BAG1: variants seen among roughly 807,000 people sequenced by gnomAD.
The protein encoded by BAG1 is BAG cochaperone 1, also known as BAG family molecular chaperone regulator 1.
In BAG1, 35 loss-of-function variants were observed where a neutral mutation model predicts 35.5. The ratio of observed to expected loss-of-function variants is 0.99; its 90% confidence interval spans 0.75 to 1.31. The LOEUF is 1.31. BAG1 is among the 50% of genes most tolerant of loss of function. The probability of loss-of-function intolerance (pLI) is 0.00; values close to 1 mark genes in which losing one functional copy is unlikely to be tolerated. For synonymous variants in BAG1, 191 were observed against 178.9 expected (o/e 1.07, Z -0.54); for missense variants, 464 against 453.6 (o/e 1.02, Z -0.21).
At chr9:33,259,128 A>G in intron 3 of BAG1, 95 bp from the exon 4 acceptor site, 1 of 879,900 alleles carries the variant, frequency 1.1e-6, no homozygotes, top group African/African-American at 1.7e-5. Context: ...TGGGAGGCCG[A>G]GATGGGCAGA....
At position 33,255,224 on chromosome 9, in the gene BAG1, C is replaced by T. The variant is rs764767280; in HGVS notation, c.1033G>A (p.Glu345Lys). The change falls in exon 7 of 7, where the codon GAG becomes AAG. Residue 345 changes from glutamate to lysine, a missense_variant. Glu to Lys is a moderately conservative substitution (Grantham distance 56). Coordinates refer to ENST00000634734, the MANE Select transcript of BAG1 (RefSeq NM_004323.6). ...CAGCCTTTTTCTGCTACACCTCACT[C>T]GGCCAGGGCAAAGTTTGTAGACTGC... The T allele has an allele frequency of 8.1e-6, 13 of 1,614,074 alleles. No homozygotes were observed. Among genetic ancestry groups the T allele is most frequent in the African/African-American group, 2.7e-5 (2 of 74,918 alleles).
At chr9:33,258,337 A>G (rs1396049451) in intron 4 of BAG1, among the ~76,000 whole-genome samples, 1 of 150,576 alleles carries the variant, frequency 6.6e-6, no homozygotes, top group Non-Finnish European at 1.5e-5. Flanking sequence ...AAACACAAAC[A>G]CACCCCAATT....
chr9:33,256,739 A>C, intron 5 of BAG1, 62 bp downstream of exon 5: 3 of 1,350,792 alleles, frequency 2.2e-6, no homozygotes, highest in Non-Finnish European at 3.2e-6. Context: ...TTACTGAAAG[A>C]GTGAATGTGA....
chr9:33,263,570 A>G (rs983316161), intron 1 of BAG1, among the ~76,000 whole-genome samples: 5 of 112,506 alleles, frequency 4.4e-5, no homozygotes, highest in Non-Finnish European at 9.2e-5. Flanking sequence ...TCTACTTCAC[A>G]GAGGAGAAAC....
chr9:33,261,546 A>G (rs1349484164), intron 2 of BAG1, among the ~76,000 whole-genome samples: 1 of 152,182 alleles, frequency 6.6e-6, no homozygotes, highest in Non-Finnish European at 1.5e-5. Context: ...TACCACAATG[A>G]ATGCTGATGA....
At chr9:33,255,783 C>A in intron 6 of BAG1, 82 bp downstream of exon 6, 2 of 1,483,028 alleles carry the variant, frequency 1.3e-6, no homozygotes, top group African/African-American at 1.4e-5. Flanking sequence ...CACGCTCCTA[C>A]ACTACCTGAT....
Position 33,254,967 on chromosome 9 carries a change from G to A in BAG1, c.*252C>T. ...CCAAACAGCTGGGAAAATTTGGGCA[G>A]AGGTGGCCCTCTCCAGAAAAGGTGG... On this transcript the variant is annotated 3_prime_UTR_variant, in exon 7 of 7. Transcript: ENST00000634734. 1 of 1,413,746 alleles carries A rather than the reference G, an allele frequency of 7.1e-7. No homozygotes were observed. The highest frequency in any genetic ancestry group is 9.4e-7 in the Non-Finnish European group (1 of 1,060,410). The allele number at this position is 1,413,746 out of a possible 1,614,324, so 87.6% of individuals were successfully genotyped here. A position where few individuals can be genotyped will look rare whatever the true frequency, so the allele number is the denominator to read the frequency against.
At chr9:33,264,178 G>T (rs774640336) in intron 1 of BAG1, 46 bp downstream of exon 1, 1 of 1,540,584 alleles carries the variant, frequency 6.5e-7, no homozygotes, top group Non-Finnish European at 8.7e-7. Context: ...AGACCCCGCC[G>T]GGCTTTCGGG....
intron 3 of BAG1, chr9:33,259,651 A>AACCAAGACTG (rs1820528257): frequency 6.6e-6 from 1 of 152,268 alleles, no homozygotes; most frequent in African/African-American, 2.4e-5. Context: ...ACTGATCAAC[A>AACCAAGACTG]ACCAAGACTG....
At chr9:33,256,325 C>T (rs2117934198) in intron 5 of BAG1, among the ~76,000 whole-genome samples, 1 of 152,324 alleles carries the variant, frequency 6.6e-6, no homozygotes, top group Admixed American at 6.5e-5. Flanking sequence ...TGCAGTTCAC[C>T]TTCAAGAATG....
In BAG1 at chr9:33,256,007, A is replaced by C. The variant is rs545257773; in HGVS notation, c.886-80T>G. 4 of 1,353,778 alleles carry C rather than the reference A, an allele frequency of 3.0e-6. No homozygotes were observed. In the Admixed American group the frequency reaches 6.8e-5, roughly 23 times the overall value. 83.9% of individuals were successfully genotyped at this position (1,353,778 alleles called of 1,614,324 possible). A position where few individuals can be genotyped will look rare whatever the true frequency, so the allele number is the denominator to read the frequency against. ...TAATCCTCAGTGAAAATGACATGAG[A>C]GCACATAAGAAACACCCACAGTACA... On this transcript the variant is annotated intron_variant, in intron 5 of 6. Transcript: ENST00000634734.
Position 33,253,469 on chromosome 9 carries a change from A to G in BAG1, c.*1750T>C. The G allele has an allele frequency of 6.6e-6, 1 of 152,278 alleles. No individual in the cohort carries two copies. The highest frequency in any genetic ancestry group is 1.9e-4 in the East Asian group (1 of 5,202). 9.4% of individuals were successfully genotyped at this position (152,278 alleles called of 1,614,324 possible). On this transcript the variant is annotated 3_prime_UTR_variant, in exon 7 of 7. Transcript: ENST00000634734. ...GCAGTTTGGTGCACAGTAACTTCTC[A>G]TTAAATGTTGTGGCCCACGCCACAC... is the stretch of plus-strand genomic sequence containing the variant.
chr9:33,252,797 G>A lies in BAG1; in HGVS notation c.*2422C>T, dbSNP rs939687344. Reference sequence around the variant, plus strand: ...GACAGGGTCTCAACACAGTAGGTGAGGGTTCTCCATGCAAGAGACATGTGA... The same window carrying A: ...GACAGGGTCTCAACACAGTAGGTGAAGGTTCTCCATGCAAGAGACATGTGA... On this transcript the variant is annotated 3_prime_UTR_variant, in exon 7 of 7. Coordinates refer to ENST00000634734, the MANE Select transcript of BAG1 (RefSeq NM_004323.6). 2.0e-5 allele frequency: 3 copies of A among 152,078 alleles called. No individual in the cohort carries two copies. Among genetic ancestry groups the A allele is most frequent in the Non-Finnish European group, 2.9e-5 (2 of 68,034 alleles). The allele number at this position is 152,078 out of a possible 1,614,324, so 9.4% of individuals were successfully genotyped here.
At chr9:33,255,656 G>A (rs868835922) in intron 6 of BAG1, among the ~76,000 whole-genome samples, 2 of 152,332 alleles carry the variant, frequency 1.3e-5, no homozygotes, top group Middle Eastern at 3.4e-3. Context: ...GCTCTCCAGT[G>A]AGTTCCCTCC....
At chr9:33,262,027 T>C in intron 2 of BAG1, 2 of 1,205,060 alleles carry the variant, frequency 1.7e-6, no homozygotes, top group Non-Finnish European at 2.1e-6. Flanking sequence ...AAAATGATTA[T>C]TTAATAGTAA....
rs142782791 is a variant in BAG1 at position 33,255,102 on chromosome 9, T to C, written c.*117A>G. ...GAGAACCAGTGTGAGAGTAGGAAAA[T>C]TGGCAAATGGCCAGTTGCCCCCAGC... On this transcript the variant is annotated 3_prime_UTR_variant, in exon 7 of 7. Coordinates refer to ENST00000634734, the MANE Select transcript of BAG1 (RefSeq NM_004323.6). 1.7e-4 allele frequency: 277 copies of C among 1,607,618 alleles called. 1 individual carries two copies. The highest frequency in any genetic ancestry group is 1.7e-3 in the East Asian group (77 of 44,770).
At chr9:33,262,992 T>C (rs930107286) in intron 1 of BAG1, among the ~76,000 whole-genome samples, 162 bp from the exon 2 acceptor site, 7 of 152,088 alleles carry the variant, frequency 4.6e-5, no homozygotes, top group African/African-American at 1.7e-4. Context: ...TCTGGTGACC[T>C]CCTCAAGTAT....
At chr9:33,263,874 T>C (rs975527769) in intron 1 of BAG1, among the ~76,000 whole-genome samples, 1 of 151,916 alleles carries the variant, frequency 6.6e-6, no homozygotes, top group East Asian at 1.9e-4. Context: ...TTCTGACTTA[T>C]CACACACGGA....
At chr9:33,262,180 G>A (rs1030496493) in intron 2 of BAG1, 1 of 1,289,650 alleles carries the variant, frequency 7.8e-7, no homozygotes, top group African/African-American at 1.5e-5. Flanking sequence ...CTTCAAATCT[G>A]ACACCTGTCC....
Sources: allele counts gnomAD v4.1 joint callset (sites outside exome capture counted in the v4.1 genomes callset), GRCh38; gene constraint gnomAD v4.1.1; transcripts MANE v1.5; gene names NCBI Gene and HGNC (gene_info 2026-07-23, HGNC 2026-07-21).